The following FN3K variants were observed in gnomAD, a reference collection of about 807,000 sequenced individuals.
FN3K encodes fructosamine 3 kinase.
Under a neutral mutation model 24.8 loss-of-function variants are expected in FN3K, and 24 were observed. The ratio of observed to expected loss-of-function variants is 0.97; its 90% CI spans 0.70 to 1.36. The LOEUF is 1.36. Among genes scored for constraint, FN3K ranks in the 40% most tolerant of loss-of-function variants. The pLI is 0.00. For missense variants in FN3K, 449 were observed against 416.7 expected (o/e 1.08, Z -0.67); for synonymous variants, 192 against 175.2 (o/e 1.10, Z -0.76).
At position 82,748,930 on chromosome 17, in the gene FN3K, A is replaced by G. The variant is rs1346763444; in HGVS notation, c.544A>G (p.Lys182Glu). The change falls in exon 5 of 6, where the codon AAG becomes GAG. Residue 182 changes from lysine (K) to glutamate (E), a missense_variant. Coordinates refer to ENST00000300784, the MANE Select transcript of FN3K (RefSeq NM_022158.4). Reference protein sequence around the residue: ...RLQAQLDLIEKDYADREAREL... With the variant: ...RLQAQLDLIEEDYADREAREL... ...CCAGGCGCAGCTGGACCTCATTGAG[A>G]AGGACTATGCTGACCGAGAGGCACG... is the stretch of plus-strand genomic sequence containing the variant. The G allele has an allele frequency of 1.2e-6, 2 of 1,614,114 alleles. No individual in the cohort carries two copies. Among genetic ancestry groups the G allele is most frequent in the African/African-American group, 1.3e-5 (1 of 75,044 alleles).
chr17:82,748,932 G>A lies in FN3K; in HGVS notation c.546G>A (p.Lys182=), dbSNP rs865800184. The change falls in exon 5 of 6, where the codon AAG becomes AAA. Residue 182 remains lysine, a synonymous_variant. Transcript: ENST00000300784. ...RLQAQLDLIE[K]DYADREAREL... is the part of the protein sequence containing the mutation. ...AGGCGCAGCTGGACCTCATTGAGAA[G>A]GACTATGCTGACCGAGAGGCACGAG... The A allele has an allele frequency of 6.2e-7, 1 of 1,614,206 alleles. No homozygotes were observed. Among genetic ancestry groups the A allele is most frequent in the Middle Eastern group, 1.7e-4 (1 of 6,044 alleles).
intron 3 of FN3K, 150 bp from the exon 4 acceptor site, chr17:82,741,161 T>C (rs2046939008): frequency 1.3e-6 from 1 of 748,368 alleles, no homozygotes; most frequent in African/African-American, 1.7e-5. Flanking sequence ...GGCAGATCCA[T>C]ATATTGACTA....
intron 5 of FN3K, chr17:82,749,201 G>A (rs903488981): frequency 3.5e-5 from 22 of 633,586 alleles, no homozygotes; most frequent in Non-Finnish European, 5.6e-5. Flanking sequence ...CCACTGCTAG[G>A]TCACCAGGTA....
At chr17:82,738,945 TA>T (rs578031888) in intron 2 of FN3K, among the ~76,000 whole-genome samples, 1,638 of 79,152 alleles carry the variant, frequency 0.021, 40 homozygotes, top group Middle Eastern at 0.042. Flanking sequence ...TATATATATA[TA>T]TTTTTTTTTT....
intron 4 of FN3K, among the ~76,000 whole-genome samples, chr17:82,748,456 T>G (rs79022294): frequency 0.017 from 2,561 of 152,216 alleles, 24 homozygotes; most frequent in African/African-American, 0.025. Flanking sequence ...CCTCCAGCTT[T>G]CTTTTGACTA....
intron 1 of FN3K, chr17:82,737,817 G>A (rs2046912146): frequency 6.6e-6 from 1 of 152,274 alleles, no homozygotes; most frequent in African/African-American, 2.4e-5. Context: ...AAACAAACAT[G>A]CAATTCTATA....
At chr17:82,741,008 G>C (rs2046938234) in intron 3 of FN3K, 154 bp downstream of exon 3, 1 of 689,144 alleles carries the variant, frequency 1.5e-6, no homozygotes, top group Non-Finnish European at 2.6e-6. Flanking sequence ...TATTAAATAA[G>C]AATTTTGATG....
At chr17:82,736,862 G>C (rs1364410333) in intron 1 of FN3K, among the ~76,000 whole-genome samples, 4 of 152,218 alleles carry the variant, frequency 2.6e-5, no homozygotes, top group African/African-American at 9.6e-5. Flanking sequence ...GGCTTCCCAC[G>C]GGCTCTGGGA....
chr17:82,737,002 C>G (rs1251524484), intron 1 of FN3K, among the ~76,000 whole-genome samples: 5 of 152,032 alleles, frequency 3.3e-5, no homozygotes, highest in African/African-American at 1.2e-4. Context: ...GCCCCTGGGG[C>G]TTAGCAGCCC....
intron 4 of FN3K, among the ~76,000 whole-genome samples, chr17:82,746,384 T>C (rs933905565): frequency 6.6e-6 from 1 of 152,154 alleles, no homozygotes; most frequent in Non-Finnish European, 1.5e-5. Context: ...AATTTGTGAA[T>C]AGGGTTTTTT....
chr17:82,735,861 T>G, intron 1 of FN3K, 84 bp downstream of exon 1: 5 of 1,457,334 alleles, frequency 3.4e-6, no homozygotes, highest in Non-Finnish European at 2.8e-6. Flanking sequence ...GCGCATTTCC[T>G]GGGGCTGGGC....
In FN3K at chr17:82,738,602, C is replaced by T; in HGVS notation, c.255C>T (p.Ala85=). 6.2e-7 allele frequency: 1 copy of T among 1,614,092 alleles called. No homozygotes were observed. The highest frequency in any genetic ancestry group is 1.1e-5 in the South Asian group (1 of 91,080). Residue 85 remains alanine, a synonymous_variant, in exon 2 of 6, where the codon GCC becomes GCT. Coordinates refer to ENST00000300784, the MANE Select transcript of FN3K (RefSeq NM_022158.4). ...TCGACCTGCCGGGAGGTGGGGCCGC[C>T]TTTGTGATGGAGCATTTGAAGATGA... ...KVIDLPGGGA[A]FVMEHLKMKS...
chr17:82,742,646 T>C (rs1487077380), intron 4 of FN3K: 3 of 455,404 alleles, frequency 6.6e-6, no homozygotes, highest in South Asian at 4.7e-5. Context: ...CTGGAGCCTC[T>C]TGAACCATCA....
intron 2 of FN3K, among the ~76,000 whole-genome samples, chr17:82,739,338 G>C (rs2046926979): frequency 6.6e-6 from 1 of 152,006 alleles, no homozygotes; most frequent in East Asian, 1.9e-4. Context: ...TCCCAGGCTG[G>C]AGTGCAGTGA....
intron 5 of FN3K, among the ~76,000 whole-genome samples, 199 bp from the exon 6 acceptor site, chr17:82,750,218 C>T (rs1275523556): frequency 6.6e-6 from 1 of 152,172 alleles, no homozygotes; most frequent in Non-Finnish European, 1.5e-5. Flanking sequence ...GATTCTAGAC[C>T]TAAATTAGGA....
At chr17:82,741,800 A>G (rs996480242) in intron 4 of FN3K, among the ~76,000 whole-genome samples, 3 of 152,392 alleles carry the variant, frequency 2.0e-5, no homozygotes, top group Middle Eastern at 3.4e-3. Flanking sequence ...TATAATTCAC[A>G]TAAGATCCAC....
At chr17:82,736,536 CA>C (rs1047066885) in intron 1 of FN3K, 138 of 143,150 alleles carry the variant, frequency 9.6e-4, no homozygotes, top group Middle Eastern at 3.5e-3. Flanking sequence ...AACTCCGTCT[CA>C]AAAAAAAAAA....
Position 82,738,209 on chromosome 17 carries a change from C to T in FN3K, c.142-280C>T, listed in dbSNP as rs1447922753. The T allele has an allele frequency of 2.0e-5, 9 of 444,632 alleles. No homozygotes were observed. In the East Asian group the frequency reaches 2.4e-4, roughly 12 times the overall value. 27.5% of individuals were successfully genotyped at this position (444,632 alleles called of 1,614,324 possible). On this transcript the variant is annotated intron_variant, in intron 1 of 5. Coordinates refer to ENST00000300784, the MANE Select transcript of FN3K (RefSeq NM_022158.4). ...ACACCTCCCCACGCCCTCAGTGCTC[C>T]CGGGCACCCACACGTGGCCTGTGCA...
chr17:82,738,681 CAGAG>C (rs1306822474), intron 2 of FN3K, 41 bp downstream of exon 2: 1 of 1,607,714 alleles, frequency 6.2e-7, no homozygotes, highest in East Asian at 2.2e-5. Flanking sequence ...TGTGTACAGG[CAGAG>C]AGAGACTCAG....
Sources: allele counts gnomAD v4.1 joint callset (sites outside exome capture counted in the v4.1 genomes callset), GRCh38; gene constraint gnomAD v4.1.1; transcripts MANE v1.5; gene names NCBI Gene and HGNC (gene_info 2026-07-23, HGNC 2026-07-21).